DNAH8: variants seen among roughly 807,000 people sequenced by gnomAD.
DNAH8 encodes the protein axonemal beta dynein heavy chain 8.
DNAH8 carries 382 observed loss-of-function variants against 562.1 expected under a neutral mutation model. The ratio of observed to expected loss-of-function variants is 0.68; its 90% CI spans 0.63 to 0.74. The LOEUF is 0.74. Ranked by LOEUF, DNAH8 falls within the 30% of genes least tolerant of loss-of-function variation. The pLI is 0.00. For synonymous variants in DNAH8, 1,881 were observed against 1,919.4 expected, an observed-to-expected ratio of 0.98 and a Z score of 0.52; for missense variants, 5,203 against 5,620.4, an observed-to-expected ratio of 0.93 and a Z score of 2.37.
At chr6:38,893,704 A>G (rs2150492648) in intron 58 of DNAH8, among the ~76,000 whole-genome samples, 1 of 152,320 alleles carries the variant, frequency 6.6e-6, no homozygotes, top group East Asian at 1.9e-4. Flanking sequence ...GCTGTTTTAA[A>G]TAGCACTGTG....
intron 22 of DNAH8, 147 bp from the exon 23 acceptor site, chr6:38,805,334 G>A: frequency 1.7e-6 from 1 of 575,630 alleles, no homozygotes. Flanking sequence ...ACTCCTAGAG[G>A]AACAAATGCG....
intron 21 of DNAH8, among the ~76,000 whole-genome samples, chr6:38,799,343 T>C (rs937320721): frequency 6.6e-6 from 1 of 152,038 alleles, no homozygotes; most frequent in Non-Finnish European, 1.5e-5. Context: ...TCGGTGACCT[T>C]GTTCCGCCAG....
rs559357444 is a variant in DNAH8 at position 38,946,769 on chromosome 6, C to G, written c.12129+1181C>G. ...GGGTTGCAGTGAGCCGAAATTGCAC[C>G]GTTGCACTCCAGCCTGGGTGACAGT... On this transcript the variant is annotated intron_variant, in intron 80 of 92. Coordinates refer to ENST00000327475, the MANE Select transcript of DNAH8 (RefSeq NM_001206927.2). 1.1e-4 allele frequency among the ~76,000 whole-genome samples: 16 copies of G among 151,962 alleles called. No individual in the cohort carries two copies. The South Asian group carries it at 3.3e-3, about 32-fold the overall frequency.
intron 88 of DNAH8, among the ~76,000 whole-genome samples, chr6:38,993,250 C>T (rs1035135285): frequency 1.3e-5 from 2 of 152,154 alleles, no homozygotes; most frequent in African/African-American, 4.8e-5. Flanking sequence ...AATACCACTA[C>T]CAGCAACAAA....
At chr6:39,026,805 G>A (rs987013905) in intron 92 of DNAH8, 138 bp downstream of exon 92, 14 of 835,434 alleles carry the variant, frequency 1.7e-5, no homozygotes, top group Non-Finnish European at 1.3e-5. Context: ...ATAGCCAGAA[G>A]ACATCAGTGC....
chr6:38,860,573 C>T lies in DNAH8; in HGVS notation c.6075C>T (p.Tyr2025=). ...CTATTACAGATGTTGATTTTATTTA[C>T]CAAAATGAATTTCTGGGATGTACTG... ...VVSITDVDFI[Y]QNEFLGCTDR... is the part of the protein sequence containing the mutation. Residue 2025 remains tyrosine, a synonymous_variant, in exon 43 of 93, where the codon TAC becomes TAT. Coordinates refer to ENST00000327475, the MANE Select transcript of DNAH8 (RefSeq NM_001206927.2). 2 of 1,536,574 alleles carry T rather than the reference C, an allele frequency of 1.3e-6. No homozygotes were observed. The highest frequency in any genetic ancestry group is 1.7e-6 in the Non-Finnish European group (2 of 1,150,968).
In DNAH8 at chr6:38,894,703, G is replaced by A. The variant is rs748191403; in HGVS notation, c.8586G>A (p.Val2862=). ...GTATTACATTTTTTCATCTCTAGGT[G>A]AAGATGCTGCCAACTCCTTCTAAAT... ...VGRVLWQWTK[V]KMLPTPSKFH... The change falls in exon 59 of 93, where the codon GTG becomes GTA. Residue 2862 remains valine (V), a splice_region_variant and synonymous_variant. Coordinates refer to ENST00000327475, the MANE Select transcript of DNAH8 (RefSeq NM_001206927.2). 6.2e-7 allele frequency: 1 copy of A among 1,612,936 alleles called. No individual in the cohort carries two copies. Among genetic ancestry groups the A allele is most frequent in the South Asian group, 1.1e-5 (1 of 90,954 alleles).
In DNAH8 at chr6:39,030,256, A is replaced by G; in HGVS notation, c.13988A>G (p.Lys4663Arg). Residue 4663 changes from lysine to arginine, a missense_variant, in exon 93 of 93, where the codon AAG becomes AGG. By Grantham distance (26) the Lys-to-Arg change is conservative. Transcript: ENST00000327475. ...AINSTAPKDP[K>R]LYVCPIYKKP... Reference sequence around the variant, plus strand: ...AACTCCACGGCACCCAAGGACCCCAAGCTGTATGTGTGTCCTATTTACAAG... The same window carrying G: ...AACTCCACGGCACCCAAGGACCCCAGGCTGTATGTGTGTCCTATTTACAAG... 6.2e-7 allele frequency: 1 copy of G among 1,614,136 alleles called. No individual in the cohort carries two copies.
chr6:38,843,032 G>A, intron 35 of DNAH8, 129 bp downstream of exon 35: 1 of 798,446 alleles, frequency 1.3e-6, no homozygotes. Context: ...TCAAAATTTG[G>A]AATGATCCTG....
chr6:38,950,516 T>C (rs1761817814), intron 81 of DNAH8, among the ~76,000 whole-genome samples: 1 of 151,432 alleles, frequency 6.6e-6, no homozygotes, highest in South Asian at 2.1e-4. Flanking sequence ...CTTGGCTCAC[T>C]GTAAGCTCCG....
chr6:38,977,803 T>C (rs1380158102), intron 85 of DNAH8, among the ~76,000 whole-genome samples: 1 of 152,200 alleles, frequency 6.6e-6, no homozygotes, highest in Non-Finnish European at 1.5e-5. Context: ...CTCTTTGAGG[T>C]GTGTATTGGA....
chr6:38,809,844 C>T (rs965202040), intron 24 of DNAH8, among the ~76,000 whole-genome samples: 6 of 152,104 alleles, frequency 3.9e-5, no homozygotes, highest in African/African-American at 7.2e-5. Context: ...CATACAAGGT[C>T]GTAGTAGCTA....
chr6:38,932,113 C>A, intron 76 of DNAH8, 120 bp downstream of exon 76: 2 of 653,162 alleles, frequency 3.1e-6, no homozygotes, highest in Non-Finnish European at 2.3e-6. Flanking sequence ...TCCTTGTTAA[C>A]ATAAGTATTT....
intron 82 of DNAH8, among the ~76,000 whole-genome samples, chr6:38,968,588 C>T (rs1763131798): frequency 6.6e-6 from 1 of 152,046 alleles, no homozygotes; most frequent in Non-Finnish European, 1.5e-5. Flanking sequence ...TGAGATATTT[C>T]TTCATTCCCA....
At chr6:38,807,793 T>A (rs79858763) in intron 24 of DNAH8, 77 bp downstream of exon 24, 19 of 584,112 alleles carry the variant, frequency 3.3e-5, no homozygotes, top group South Asian at 1.5e-4. Context: ...ATTTATTAAT[T>A]AAAAAAACTA....
chr6:38,950,347 C>T (rs1215063157), intron 81 of DNAH8, among the ~76,000 whole-genome samples: 1 of 151,874 alleles, frequency 6.6e-6, no homozygotes, highest in Non-Finnish European at 1.5e-5. Context: ...TAAGTTTCCA[C>T]TTCTTAGAAA....
intron 38 of DNAH8, 74 bp downstream of exon 38, chr6:38,850,488 C>A: frequency 7.3e-7 from 1 of 1,369,792 alleles, no homozygotes; most frequent in Non-Finnish European, 1.0e-6. Flanking sequence ...CTAGTATTGA[C>A]TACATTTCTG....
intron 74 of DNAH8, among the ~76,000 whole-genome samples, chr6:38,926,810 T>C (rs1255129039): frequency 6.6e-6 from 1 of 152,162 alleles, no homozygotes; most frequent in Non-Finnish European, 1.5e-5. Flanking sequence ...AAAATGTCTT[T>C]CTCTACCTCC....
intron 74 of DNAH8, among the ~76,000 whole-genome samples, chr6:38,927,815 C>A (rs113663433): frequency 0.013 from 1,957 of 152,292 alleles, 34 homozygotes; most frequent in Middle Eastern, 0.037. Flanking sequence ...GAAGTCCTTT[C>A]TGATGCAACC....
Sources: allele counts gnomAD v4.1 joint callset (sites outside exome capture counted in the v4.1 genomes callset), GRCh38; gene constraint gnomAD v4.1.1; transcripts MANE v1.5; gene names NCBI Gene and HGNC (gene_info 2026-07-23, HGNC 2026-07-21).